AKT2: variants seen among roughly 807,000 people sequenced by gnomAD.
AKT2 encodes AKT serine/threonine kinase 2, also known as RAC-beta serine/threonine-protein kinase.
In AKT2, 16 loss-of-function variants were observed where a neutral mutation model predicts 58.6. The ratio of observed to expected loss-of-function variants is 0.27; its 90% CI spans 0.18 to 0.41. The LOEUF (loss-of-function observed/expected upper bound fraction) is 0.41, where lower values mean the gene tolerates loss of function less well. Among genes scored for constraint, AKT2 ranks in the 10% least tolerant of loss-of-function variants. The pLI is 1.00. For missense variants in AKT2, 438 were observed against 661.0 expected (o/e 0.66, Z 3.70); for synonymous variants, 253 against 254.0 (o/e 1.00, Z 0.04).
intron 4 of AKT2, among the ~76,000 whole-genome samples, chr19:40,245,414 C>T (rs1974682092): frequency 6.6e-6 from 1 of 152,146 alleles, no homozygotes; most frequent in Non-Finnish European, 1.5e-5. Context: ...GAACAGTATA[C>T]AGTTCTGTGC....
chr19:40,257,776 A>G (rs910185168), intron 2 of AKT2, among the ~76,000 whole-genome samples: 18 of 152,198 alleles, frequency 1.2e-4, no homozygotes, highest in African/African-American at 4.3e-4. Flanking sequence ...GATAAACAAA[A>G]TGTAGCAGAT....
At chr19:40,244,094 A>ATAATAAT (rs1555769841) in intron 4 of AKT2, 2 of 144,532 alleles carry the variant, frequency 1.4e-5, no homozygotes, top group Non-Finnish European at 3.0e-5. Flanking sequence ...AATAATAATA[A>ATAATAAT]AATAAAGAAC....
At chr19:40,249,515 C>A (rs1974990537) in intron 4 of AKT2, among the ~76,000 whole-genome samples, 1 of 152,194 alleles carries the variant, frequency 6.6e-6, no homozygotes, top group Non-Finnish European at 1.5e-5. Context: ...GAGAGAAGCT[C>A]GGCGAAGCAG....
intron 1 of AKT2, among the ~76,000 whole-genome samples, chr19:40,283,796 G>T (rs908830942): frequency 2.6e-5 from 4 of 152,172 alleles, no homozygotes; most frequent in African/African-American, 9.7e-5. Flanking sequence ...GCTGGGCCAG[G>T]GGCACCCCCA....
In AKT2 at chr19:40,285,296, A is replaced by G. The variant is rs948489785; in HGVS notation, c.-200T>C. The G allele has an allele frequency of 2.5e-5, 10 of 394,814 alleles. No individual in the cohort carries two copies. Among genetic ancestry groups the G allele is most frequent in the East Asian group, 1.4e-4 (4 of 27,800 alleles). 24.5% of individuals were successfully genotyped at this position (394,814 alleles called of 1,614,324 possible). ...CAGCGGCAACGGCGCCGGCAGCGGC[A>G]GCGGCGGCGGCGACGCCTCCTCCGA... On this transcript the variant is annotated 5_prime_UTR_variant, in exon 1 of 14. Coordinates refer to ENST00000392038, the MANE Select transcript of AKT2 (RefSeq NM_001626.6).
At chr19:40,269,268 G>A (rs1321674348) in intron 1 of AKT2, among the ~76,000 whole-genome samples, 1 of 152,158 alleles carries the variant, frequency 6.6e-6, no homozygotes, top group African/African-American at 2.4e-5. Context: ...AGGTTCCTGG[G>A]CATGAGTCTT....
At chr19:40,251,012 G>A (rs1452914571) in intron 4 of AKT2, among the ~76,000 whole-genome samples, 1 of 151,992 alleles carries the variant, frequency 6.6e-6, no homozygotes, top group Non-Finnish European at 1.5e-5. Context: ...AGACCGGCCT[G>A]GACAACATAG....
intron 4 of AKT2, among the ~76,000 whole-genome samples, chr19:40,249,652 C>T (rs979464531): frequency 3.3e-5 from 5 of 152,254 alleles, no homozygotes; most frequent in Non-Finnish European, 7.3e-5. Context: ...TGGAGGGCAT[C>T]TGGGGCCCTC....
intron 1 of AKT2, chr19:40,274,921 C>G (rs1214510189): frequency 2.7e-6 from 1 of 371,180 alleles, no homozygotes; most frequent in Non-Finnish European, 5.4e-6. Flanking sequence ...GCAGGTGGAA[C>G]CCCTTGCACC....
In AKT2 at chr19:40,233,748, C is replaced by G. The variant is rs1217457264; in HGVS notation, c.*124G>C. 2 of 903,528 alleles carry G rather than the reference C, an allele frequency of 2.2e-6. No homozygotes were observed. The highest frequency in any genetic ancestry group is 3.4e-6 in the Non-Finnish European group (2 of 584,736). The allele number at this position is 903,528 out of a possible 1,614,324, so 56.0% of individuals were successfully genotyped here. ...CGTCTGGGAGGGGCCTGAAGAAGAA[C>G]TGGAAAGGGGGTGAGGAGGTGGGGG... On this transcript the variant is annotated 3_prime_UTR_variant, in exon 14 of 14. Coordinates refer to ENST00000392038, the MANE Select transcript of AKT2 (RefSeq NM_001626.6). The surrounding 1 kb of genome is among the most constrained non-coding windows in gnomAD (Gnocchi z 4.3).
Position 40,234,446 on chromosome 19 carries a change from C to T in AKT2, c.1367-495G>A. On this transcript the variant is annotated intron_variant, in intron 13 of 13. Transcript: ENST00000392038. This position sits in a 1 kb window ranked among gnomAD's most constrained non-coding sequence, Gnocchi z 4.7. ...ACTCCAGCCCCATGCCCTCTCTTCTCACCACCATCTCCCTGGCTGCTGCCG... is the reference window on the plus strand; with the variant it reads ...ACTCCAGCCCCATGCCCTCTCTTCTTACCACCATCTCCCTGGCTGCTGCCG... The T allele has an allele frequency of 4.2e-6, 1 of 236,210 alleles. No homozygotes were observed. The highest frequency in any genetic ancestry group is 8.3e-6 in the Non-Finnish European group (1 of 120,868). 14.6% of individuals were successfully genotyped at this position (236,210 alleles called of 1,614,324 possible).
At chr19:40,249,271 G>A (rs961227427) in intron 4 of AKT2, among the ~76,000 whole-genome samples, 16 of 152,250 alleles carry the variant, frequency 1.1e-4, no homozygotes, top group Non-Finnish European at 1.8e-4. Flanking sequence ...AGGAGACCCC[G>A]GCATCCTCCA....
At position 40,231,083 on chromosome 19, in the gene AKT2, G is replaced by A. The variant is rs1568506837; in HGVS notation, c.*2789C>T. The A allele has an allele frequency of 1.4e-5, 3 of 220,560 alleles. No individual in the cohort carries two copies. Among genetic ancestry groups the A allele is most frequent in the African/African-American group, 7.1e-5 (3 of 42,074 alleles). The allele number at this position is 220,560 out of a possible 1,614,324, so 13.7% of individuals were successfully genotyped here. On this transcript the variant is annotated 3_prime_UTR_variant, in exon 14 of 14. Coordinates refer to ENST00000392038, the MANE Select transcript of AKT2 (RefSeq NM_001626.6). Reference sequence around the variant, plus strand: ...TTTTAAAATGTACATTGCAAAAGACGATTATTCTACTCAAAATTTATTTGG... The same window carrying A: ...TTTTAAAATGTACATTGCAAAAGACAATTATTCTACTCAAAATTTATTTGG...
rs139479466 is a variant in AKT2 at position 40,255,241 on chromosome 19, C to T, written c.204G>A (p.Pro68=). ...AECQLMKTER[P]RPNTFVIRCL... ...AGCGTATGACAAAGGTGTTGGGTCG[C>T]GGCCTCTCGGTCTTCATCAGCTGGC... Residue 68 remains proline (P), a synonymous_variant, in exon 4 of 14, where the codon CCG becomes CCA. Transcript: ENST00000392038. 8.4e-5 allele frequency: 136 copies of T among 1,614,026 alleles called. No individual in the cohort carries two copies. In the African/African-American group the frequency reaches 1.1e-3, roughly 13 times the overall value.
intron 7 of AKT2, 42 bp from the exon 8 acceptor site, chr19:40,239,015 G>C: frequency 6.3e-7 from 1 of 1,597,714 alleles, no homozygotes; most frequent in Non-Finnish European, 8.6e-7. Context: ...GGAGGGAGGA[G>C]GGCTCTGCTG....
At position 40,235,487 on chromosome 19, in the gene AKT2, G is replaced by A. The variant is rs757546822; in HGVS notation, c.1176-137C>T. 11 of 829,940 alleles carry A rather than the reference G, an allele frequency of 1.3e-5. No homozygotes were observed. Among genetic ancestry groups the A allele is most frequent in the African/African-American group, 3.4e-5 (2 of 59,478 alleles). The allele number at this position is 829,940 out of a possible 1,614,324, so 51.4% of individuals were successfully genotyped here. ...AAACCACTTCACAGAGGAGGAAACCGAGGCTCAGGGAGGGAGCTCACGTGC... is the reference window on the plus strand; with the variant it reads ...AAACCACTTCACAGAGGAGGAAACCAAGGCTCAGGGAGGGAGCTCACGTGC... On this transcript the variant is annotated intron_variant, in intron 11 of 13. Transcript: ENST00000392038. This position sits in a 1 kb window ranked among gnomAD's most constrained non-coding sequence, Gnocchi z 6.3.
rs760627146 is a variant in AKT2, at chr19:40,235,877, C to T, written c.1175+13G>A. The T allele has an allele frequency of 2.2e-5, 36 of 1,600,592 alleles. No homozygotes were observed. The highest frequency in any genetic ancestry group is 4.0e-4 in the Middle Eastern group (2 of 5,024). On this transcript the variant is annotated intron_variant, in intron 11 of 13. Coordinates refer to ENST00000392038, the MANE Select transcript of AKT2 (RefSeq NM_001626.6). This position sits in a 1 kb window ranked among gnomAD's most constrained non-coding sequence, Gnocchi z 6.3. Reference sequence around the variant, plus strand: ...CTGGCGCTGGGCTGGGTGGGGCCGACGCCAGCCCTCACCTCTGCTTGGGGT... The same window carrying T: ...CTGGCGCTGGGCTGGGTGGGGCCGATGCCAGCCCTCACCTCTGCTTGGGGT...
intron 1 of AKT2, among the ~76,000 whole-genome samples, chr19:40,272,869 T>G (rs6508935): frequency 0.028 from 4,232 of 152,310 alleles, 70 homozygotes; most frequent in Middle Eastern, 0.092. Context: ...TCACCTGCTG[T>G]GAGACCTTGG....
chr19:40,284,196 A>G (rs939532586), intron 1 of AKT2, among the ~76,000 whole-genome samples: 11 of 152,092 alleles, frequency 7.2e-5, no homozygotes, highest in African/African-American at 2.7e-4. Flanking sequence ...ATGCCCCCAG[A>G]GAGCTTCCCT....
Sources: allele counts gnomAD v4.1 joint callset (sites outside exome capture counted in the v4.1 genomes callset), GRCh38; gene constraint gnomAD v4.1.1; non-coding constraint Gnocchi (gnomAD v3.1); transcripts MANE v1.5; gene names NCBI Gene and HGNC (gene_info 2026-07-23, HGNC 2026-07-21).